The following SPON2 variants were observed in gnomAD, a reference collection of about 807,000 sequenced individuals.
The protein encoded by SPON2 is spondin 2.
A neutral mutation model predicts 29.9 loss-of-function variants in SPON2; 32 were observed. The ratio of observed to expected loss-of-function variants is 1.07; its 90% CI spans 0.81 to 1.44. The LOEUF is 1.44. Ranked by LOEUF, SPON2 falls within the 40% of genes most tolerant of loss-of-function variation. The pLI is 0.00. For missense variants in SPON2, 541 were observed against 455.5 expected, an observed-to-expected ratio of 1.19 and a Z score of -1.71; for synonymous variants, 248 against 209.1, an observed-to-expected ratio of 1.19 and a Z score of -1.61.
In SPON2 at chr4:1,167,660, G is replaced by A. The variant is rs56699301; in HGVS notation, c.812-4C>T. The A allele has an allele frequency of 3.5e-3, 5,513 of 1,595,684 alleles. 179 individuals are homozygous for A. The African/African-American group carries it at 0.065, about 19-fold the overall frequency. On this transcript the variant is annotated splice_polypyrimidine_tract_variant and splice_region_variant and intron_variant, in intron 5 of 5. Coordinates refer to ENST00000290902, the MANE Select transcript of SPON2 (RefSeq NM_012445.4). ...CAGTCCAGCGGCGTTTCTGGAACTG[G>A]ACCAAGCAAAGGGGAGACCGAGGTG... is the stretch of plus-strand genomic sequence containing the variant.
At chr4:1,187,490 C>T (rs576085759) in intron 1 of SPON2, among the ~76,000 whole-genome samples, 1 of 152,290 alleles carries the variant, frequency 6.6e-6, no homozygotes, top group East Asian at 1.9e-4. Context: ...CTCAACTGTA[C>T]ACTTTAAAAT....
At chr4:1,204,164 G>A (rs988202418) in intron 1 of SPON2, among the ~76,000 whole-genome samples, 6 of 152,230 alleles carry the variant, frequency 3.9e-5, no homozygotes, top group South Asian at 4.1e-4. Context: ...GAGCCACTGC[G>A]CCCGGCCTCT....
chr4:1,170,559 G>A lies in SPON2; in HGVS notation c.654C>T (p.Pro218=). 6.2e-7 allele frequency: 1 copy of A among 1,612,644 alleles called. No homozygotes were observed. Among genetic ancestry groups the A allele is most frequent in the Non-Finnish European group, 8.5e-7 (1 of 1,179,596 alleles). Residue 218 remains proline, a synonymous_variant, in exon 5 of 6, where the codon CCC becomes CCT. Transcript: ENST00000290902. ...DTVTEITSSS[P]SHPANSFYYP... Reference sequence around the variant, plus strand: ...AGTAGAAGGAGTTGGCCGGGTGGCTGGGAGAGGAGGACGTTATCTGGGGAG... The same window carrying A: ...AGTAGAAGGAGTTGGCCGGGTGGCTAGGAGAGGAGGACGTTATCTGGGGAG...
chr4:1,175,835 C>T (rs1727584538), upstream of SPON2, among the ~76,000 whole-genome samples: 1 of 152,124 alleles, frequency 6.6e-6, no homozygotes, highest in African/African-American at 2.4e-5. Flanking sequence ...TAGACCGAGG[C>T]CTTGGAGGTG....
chr4:1,175,743 C>T (rs371340655), upstream of SPON2, among the ~76,000 whole-genome samples: 259 of 151,804 alleles, frequency 1.7e-3, 8 homozygotes, highest in South Asian at 0.05. Context: ...GTGGTGGGCC[C>T]AGGCCTCGGG....
chr4:1,173,416 C>T (rs556321784), upstream of SPON2, among the ~76,000 whole-genome samples: 1 of 152,296 alleles, frequency 6.6e-6, no homozygotes, highest in South Asian at 2.1e-4. Flanking sequence ...CCCAGGACCC[C>T]GCACAGGGCT....
intron 1 of SPON2, among the ~76,000 whole-genome samples, chr4:1,183,255 AC>A (rs1400337244): frequency 7.3e-5 from 11 of 150,442 alleles, no homozygotes; most frequent in African/African-American, 1.7e-4. Context: ...AAAAAAAAAA[AC>A]AAAAAAGAAA....
chr4:1,193,849 C>G (rs1299213033), intron 1 of SPON2, among the ~76,000 whole-genome samples: 2 of 30,306 alleles, frequency 6.6e-5, no homozygotes, highest in Admixed American at 9.6e-4. Flanking sequence ...GGGGGGGCAG[C>G]GTGGGAAGGA....
intron 1 of SPON2, among the ~76,000 whole-genome samples, chr4:1,190,303 A>G (rs182838459): frequency 7.2e-5 from 11 of 152,150 alleles, no homozygotes; most frequent in Non-Finnish European, 1.2e-4. Context: ...ACAAACAAAA[A>G]AAAACAAACT....
intron 1 of SPON2, among the ~76,000 whole-genome samples, chr4:1,183,610 T>A (rs1215173436): frequency 6.6e-6 from 1 of 152,252 alleles, no homozygotes; most frequent in Non-Finnish European, 1.5e-5. Context: ...ATGCATTTTT[T>A]AAAATTATTA....
At chr4:1,177,341 G>C (rs1727623417), upstream of SPON2, among the ~76,000 whole-genome samples, 1 of 152,228 alleles carries the variant, frequency 6.6e-6, no homozygotes, top group Non-Finnish European at 1.5e-5. Context: ...ACACTCCCAG[G>C]GTGTTGGCAA....
At chr4:1,190,740 A>C (rs1341396524) in intron 1 of SPON2, among the ~76,000 whole-genome samples, 3 of 152,232 alleles carry the variant, frequency 2.0e-5, no homozygotes, top group Non-Finnish European at 4.4e-5. Flanking sequence ...AAAACATTGG[A>C]GCTGAGAAAT....
upstream of SPON2, among the ~76,000 whole-genome samples, chr4:1,176,206 C>T (rs1211929179): frequency 6.6e-6 from 1 of 152,032 alleles, no homozygotes; most frequent in Non-Finnish European, 1.5e-5. Flanking sequence ...CCCCCTGGCT[C>T]TCAGACCCTC....
chr4:1,208,603 C>T (rs933851063), upstream of SPON2: 3 of 152,414 alleles, frequency 2.0e-5, no homozygotes, highest in Admixed American at 2.0e-4. Flanking sequence ...ACCGCTTCCT[C>T]CTGCTCCAGG....
At chr4:1,174,211 AGAGT>A (rs1488881662), upstream of SPON2, among the ~76,000 whole-genome samples, 1 of 142,696 alleles carries the variant, frequency 7.0e-6, no homozygotes. Flanking sequence ...CCTGGGCGAC[AGAGT>A]GAGACTCATG....
intron 1 of SPON2, among the ~76,000 whole-genome samples, chr4:1,186,516 C>G (rs891189876): frequency 9.9e-5 from 15 of 152,088 alleles, no homozygotes; most frequent in African/African-American, 3.4e-4. Context: ...GTTGCCCAGG[C>G]TGGTCTCAAA....
chr4:1,205,711 G>C (rs1024586877), intron 1 of SPON2, among the ~76,000 whole-genome samples: 4 of 152,160 alleles, frequency 2.6e-5, no homozygotes, highest in Non-Finnish European at 4.4e-5. Flanking sequence ...CGTCACCACG[G>C]CCCCAGGGCC....
intron 2 of SPON2, among the ~76,000 whole-genome samples, chr4:1,179,097 A>G (rs557701131): frequency 4.6e-5 from 7 of 152,272 alleles, no homozygotes; most frequent in African/African-American, 1.7e-4. Flanking sequence ...CGTGCCAGTG[A>G]GCTGAGCTGC....
intron 1 of SPON2, among the ~76,000 whole-genome samples, chr4:1,182,478 A>C (rs924451091): frequency 6.6e-6 from 1 of 152,214 alleles, no homozygotes; most frequent in African/African-American, 2.4e-5. Context: ...ATTAAAAAGC[A>C]GATTTGAGCA....
Sources: gnomAD v4.1 joint callset for allele counts (sites outside exome capture counted in the v4.1 genomes callset) on GRCh38, gnomAD v4.1.1 for gene constraint, MANE v1.5 for transcripts, NCBI Gene and HGNC (gene_info 2026-07-23, HGNC 2026-07-21) for gene names.